Variants in PEX26 observed in about 807,000 individuals in gnomAD.
PEX26 encodes the protein peroxisomal biogenesis factor 26, also known as peroxisome assembly protein 26.
In PEX26, 18 loss-of-function variants were observed where a neutral mutation model predicts 31.4. The ratio of observed to expected loss-of-function variants is 0.57; its 90% CI spans 0.40 to 0.85. The LOEUF is 0.85. PEX26 is among the 40% of genes least tolerant of loss of function. PEX26 has a pLI of 0.00. For synonymous variants in PEX26, 176 were observed against 166.9 expected, an observed-to-expected ratio of 1.05 and a Z score of -0.42; for missense variants, 377 against 383.9, an observed-to-expected ratio of 0.98 and a Z score of 0.15.
In PEX26 at chr22:18,078,005, T is replaced by C; in HGVS notation, c.-372T>C. On this transcript the variant is annotated 5_prime_UTR_variant, in exon 1 of 5. Coordinates refer to ENST00000399744, the MANE Select transcript of PEX26 (RefSeq NM_001127649.3). ...CCGGGACGCCGCGCGGCTGCGGGGC[T>C]GGGCGAGCGCAAAGATGTCCGCGCC... is the stretch of plus-strand genomic sequence containing the variant. 1 of 452,418 alleles carries C rather than the reference T, an allele frequency of 2.2e-6. No homozygotes were observed. The highest frequency in any genetic ancestry group is 1.6e-5 in the South Asian group (1 of 61,870). The allele number at this position is 452,418 out of a possible 1,614,324, so 28.0% of individuals were successfully genotyped here. A position where few individuals can be genotyped will look rare whatever the true frequency, so the allele number is the denominator to read the frequency against.
Position 18,090,773 on chromosome 22 carries a change from A to AGGGAGGGGG in PEX26, c.*2701_*2702insAGGGGGGGG, listed in dbSNP as rs1927061726. On this transcript the variant is annotated 3_prime_UTR_variant, in exon 5 of 5. Coordinates refer to ENST00000399744, the MANE Select transcript of PEX26 (RefSeq NM_001127649.3). ...TAATCCTCTTCTGTGGTGGGATGGG[A>AGGGAGGGGG]GGGTGGGGGAGAGGGGTGGAATGGA... 1 of 28,438 alleles carries AGGGAGGGGG rather than the reference A, an allele frequency of 3.5e-5. No individual in the cohort carries two copies. The highest frequency in any genetic ancestry group is 7.4e-5 in the Non-Finnish European group (1 of 13,554). 1.8% of individuals were successfully genotyped at this position (28,438 alleles called of 1,614,324 possible).
At chr22:18,083,387 T>C in intron 2 of PEX26, 50 bp from the exon 3 acceptor site, 4 of 1,579,062 alleles carry the variant, frequency 2.5e-6, no homozygotes, top group Non-Finnish European at 3.5e-6. Context: ...GAACCAATCA[T>C]TGAGCACTGA....
chr22:18,078,748 G>A (rs1229197348), intron 1 of PEX26, 142 bp downstream of exon 1: 2 of 801,736 alleles, frequency 2.5e-6, no homozygotes, highest in Non-Finnish European at 4.2e-6. Flanking sequence ...CGAGAGGGTG[G>A]TCGCTCATCG....
rs1300145049 is a variant in PEX26, at chr22:18,101,679, C to T, written c.*13604C>T. 1.1e-5 allele frequency: 3 copies of T among 261,062 alleles called. No homozygotes were observed. The highest frequency in any genetic ancestry group is 2.2e-4 in the East Asian group (2 of 9,282). 16.2% of individuals were successfully genotyped at this position (261,062 alleles called of 1,614,324 possible). A position where few individuals can be genotyped will look rare whatever the true frequency, so the allele number is the denominator to read the frequency against. The stretch of plus-strand genomic sequence containing the variant: ...GCTGTGCAATGACTTGTGTCAAAAC[C>T]CGATCCAGAGCAGCAGTGATGAAAT... On this transcript the variant is annotated 3_prime_UTR_variant, in exon 5 of 5. Transcript: ENST00000399744.
In PEX26 at chr22:18,105,317, T is replaced by G. The variant is rs900591249; in HGVS notation, c.*17242T>G. 3 of 152,202 alleles carry G rather than the reference T, an allele frequency of 2.0e-5. No homozygotes were observed. The highest frequency in any genetic ancestry group is 4.8e-5 in the African/African-American group (2 of 41,448). The allele number at this position is 152,202 out of a possible 1,614,324, so 9.4% of individuals were successfully genotyped here. On this transcript the variant is annotated 3_prime_UTR_variant, in exon 5 of 5. Transcript: ENST00000399744. ...GCCCAGCTCTAGCTCTTACCAGTTA[T>G]GTGATCAGGAATGAGAGTTAATGTT...
At position 18,101,780 on chromosome 22, in the gene PEX26, G is replaced by T; in HGVS notation, c.*13705G>T. The T allele has an allele frequency of 4.8e-6, 1 of 206,326 alleles. No individual in the cohort carries two copies. Among genetic ancestry groups the T allele is most frequent in the Non-Finnish European group, 9.9e-6 (1 of 101,508 alleles). The allele number at this position is 206,326 out of a possible 1,614,324, so 12.8% of individuals were successfully genotyped here. A position where few individuals can be genotyped will look rare whatever the true frequency, so the allele number is the denominator to read the frequency against. On this transcript the variant is annotated 3_prime_UTR_variant, in exon 5 of 5. Coordinates refer to ENST00000399744, the MANE Select transcript of PEX26 (RefSeq NM_001127649.3). ...GCAAGTCAGCTCTCTGATGGATGGTGCAATTTCCTTGGTCATTAACCTGAG... is the reference window on the plus strand; with the variant it reads ...GCAAGTCAGCTCTCTGATGGATGGTTCAATTTCCTTGGTCATTAACCTGAG...
At position 18,096,881 on chromosome 22, in the gene PEX26, T is replaced by C. The variant is rs362060; in HGVS notation, c.*8806T>C. 151,149 of 152,370 alleles carry C rather than the reference T, an allele frequency of 0.99. 74,974 individuals are homozygous for C. The highest frequency in any genetic ancestry group is 1 in the East Asian group (5,186 of 5,188). 9.4% of individuals were successfully genotyped at this position (152,370 alleles called of 1,614,324 possible). On this transcript the variant is annotated 3_prime_UTR_variant, in exon 5 of 5. Coordinates refer to ENST00000399744, the MANE Select transcript of PEX26 (RefSeq NM_001127649.3). ...ATTTTCACACTGCTTTAGAGAAGTA[T>C]CAGAGACTGGGTAATTGTTGAAGAA... is the stretch of plus-strand genomic sequence containing the variant.
At position 18,098,345 on chromosome 22, in the gene PEX26, C is replaced by T. The variant is rs562932633; in HGVS notation, c.*10270C>T. ...ATTTAATCTCGGGTCCAATTTTTCTCACCTCCAAGATGGGGACAAAAATTA... is the reference window on the plus strand; with the variant it reads ...ATTTAATCTCGGGTCCAATTTTTCTTACCTCCAAGATGGGGACAAAAATTA... On this transcript the variant is annotated 3_prime_UTR_variant, in exon 5 of 5. Coordinates refer to ENST00000399744, the MANE Select transcript of PEX26 (RefSeq NM_001127649.3). The T allele has an allele frequency of 6.6e-5, 10 of 152,236 alleles. No individual in the cohort carries two copies. Among genetic ancestry groups the T allele is most frequent in the African/African-American group, 2.2e-4 (9 of 41,538 alleles). 9.4% of individuals were successfully genotyped at this position (152,236 alleles called of 1,614,324 possible).
chr22:18,088,393 C>A lies in PEX26; in HGVS notation c.*318C>A. The A allele has an allele frequency of 2.2e-6, 1 of 457,300 alleles. No individual in the cohort carries two copies. The allele number at this position is 457,300 out of a possible 1,614,324, so 28.3% of individuals were successfully genotyped here. A position where few individuals can be genotyped will look rare whatever the true frequency, so the allele number is the denominator to read the frequency against. ...AAACATTCCATCTTCTTGGTGAAGGCAAGGGGTTGGTTCTTCAGGTCAGGA... is the reference window on the plus strand; with the variant it reads ...AAACATTCCATCTTCTTGGTGAAGGAAAGGGGTTGGTTCTTCAGGTCAGGA... On this transcript the variant is annotated 3_prime_UTR_variant, in exon 5 of 5. Coordinates refer to ENST00000399744, the MANE Select transcript of PEX26 (RefSeq NM_001127649.3). The surrounding 1 kb of genome is among the most constrained non-coding windows in gnomAD (Gnocchi z 4.1).
intron 4 of PEX26, among the ~76,000 whole-genome samples, chr22:18,086,223 C>T (rs1926838565): frequency 6.6e-6 from 1 of 152,086 alleles, no homozygotes; most frequent in African/African-American, 2.4e-5. Context: ...TGCTTGAACC[C>T]AGGAGGCGGA....
rs551702368 is a variant in PEX26 at position 18,088,311 on chromosome 22, C to T, written c.*236C>T. The T allele has an allele frequency of 1.2e-5, 8 of 649,806 alleles. No homozygotes were observed. Among genetic ancestry groups the T allele is most frequent in the East Asian group, 2.9e-5 (1 of 34,522 alleles). 40.3% of individuals were successfully genotyped at this position (649,806 alleles called of 1,614,324 possible). On this transcript the variant is annotated 3_prime_UTR_variant, in exon 5 of 5. Transcript: ENST00000399744. The surrounding 1 kb of genome is among the most constrained non-coding windows in gnomAD (Gnocchi z 4.1). ...GCACAGCACCTCCAGAACAGTGCCCCGGATGACCAGAGGCCCCTTGAAAAG... is the reference window on the plus strand; with the variant it reads ...GCACAGCACCTCCAGAACAGTGCCCTGGATGACCAGAGGCCCCTTGAAAAG...
intron 1 of PEX26, among the ~76,000 whole-genome samples, chr22:18,079,513 C>A (rs1926460331): frequency 6.6e-6 from 1 of 152,160 alleles, no homozygotes; most frequent in Non-Finnish European, 1.5e-5. Context: ...TGCTCCAAGC[C>A]CATTTGTTCA....
At chr22:18,079,244 C>T (rs2123646169) in intron 1 of PEX26, 1 of 985,258 alleles carries the variant, frequency 1.0e-6, no homozygotes, top group Non-Finnish European at 1.2e-6. Context: ...ATGCCACCAG[C>T]CTCGTCTGGC....
chr22:18,083,964 C>T (rs2123655097), intron 3 of PEX26, among the ~76,000 whole-genome samples: 1 of 152,294 alleles, frequency 6.6e-6, no homozygotes, highest in Middle Eastern at 3.4e-3. Flanking sequence ...GGTCTTGGGA[C>T]CTTGACTTGT....
chr22:18,100,577 A>G lies in PEX26; in HGVS notation c.*12502A>G, dbSNP rs535822073. 1.3e-5 allele frequency: 2 copies of G among 152,206 alleles called. No homozygotes were observed. Among genetic ancestry groups the G allele is most frequent in the African/African-American group, 2.4e-5 (1 of 41,446 alleles). 9.4% of individuals were successfully genotyped at this position (152,206 alleles called of 1,614,324 possible). On this transcript the variant is annotated 3_prime_UTR_variant, in exon 5 of 5. Coordinates refer to ENST00000399744, the MANE Select transcript of PEX26 (RefSeq NM_001127649.3). ...ATAACCAAGTGAAAAGTCAGTACAG[A>G]TTCTCACTTCTACTTAAAAAATCAA...
intron 2 of PEX26, among the ~76,000 whole-genome samples, chr22:18,081,148 C>A (rs1386315722): frequency 2.8e-5 from 1 of 35,350 alleles, no homozygotes; most frequent in Non-Finnish European, 5.0e-5. Context: ...ATATAGTATT[C>A]CATTATATAT....
At position 18,088,577 on chromosome 22, in the gene PEX26, AAAACCTGCCTGGC is replaced by A. The variant is rs1926945082; in HGVS notation, c.*503_*515del. ...GTGGATCACTTGTGGCCAGGAGTTCAAAACCTGCCTGGCCAACATGGTGAAACCCCATCTCTAC... is the reference window on the plus strand; with the variant it reads ...GTGGATCACTTGTGGCCAGGAGTTCACAACATGGTGAAACCCCATCTCTAC... On this transcript the variant is annotated 3_prime_UTR_variant, in exon 5 of 5. Coordinates refer to ENST00000399744, the MANE Select transcript of PEX26 (RefSeq NM_001127649.3). The surrounding 1 kb of genome is among the most constrained non-coding windows in gnomAD (Gnocchi z 4.1). 1.8e-5 allele frequency: 4 copies of A among 227,740 alleles called. No homozygotes were observed. Among genetic ancestry groups the A allele is most frequent in the African/African-American group, 9.0e-5 (4 of 44,222 alleles). The allele number at this position is 227,740 out of a possible 1,614,324, so 14.1% of individuals were successfully genotyped here.
intron 1 of PEX26, chr22:18,079,155 T>C (rs866608090): frequency 6.3e-6 from 6 of 945,088 alleles, no homozygotes; most frequent in South Asian, 9.8e-5. Context: ...GGTAACATAA[T>C]GAGCCCTCTT....
intron 2 of PEX26, among the ~76,000 whole-genome samples, chr22:18,082,282 T>C (rs362262): frequency 0.59 from 90,039 of 152,030 alleles, 27,483 homozygotes; most frequent in East Asian, 0.74. Flanking sequence ...AAAAAACACT[T>C]GCTCAGCCCA....
Sources: gnomAD v4.1 joint callset for allele counts (sites outside exome capture counted in the v4.1 genomes callset) on GRCh38, gnomAD v4.1.1 for gene constraint, Gnocchi (gnomAD v3.1) non-coding constraint, MANE v1.5 for transcripts, NCBI Gene and HGNC (gene_info 2026-07-23, HGNC 2026-07-21) for gene names.